Variants in KCNJ6 observed in about 807,000 individuals in gnomAD.
KCNJ6 encodes the protein potassium inwardly rectifying channel subfamily J member 6.
A neutral mutation model predicts 34.2 loss-of-function variants in KCNJ6; 9 were observed. The observed-to-expected ratio is 0.26, with a 90% CI of 0.16 to 0.46. KCNJ6 has a LOEUF of 0.46. KCNJ6 is among the 20% of genes least tolerant of loss of function. The pLI, the probability that KCNJ6 is intolerant of heterozygous loss-of-function variation, is 1.00. For missense variants in KCNJ6, 236 were observed against 531.3 expected, an observed-to-expected ratio of 0.44 and a Z score of 5.46; for synonymous variants, 196 against 207.1, an observed-to-expected ratio of 0.95 and a Z score of 0.46.
intron 2 of KCNJ6, among the ~76,000 whole-genome samples, chr21:37,768,620 G>GTAC (rs2055102537): frequency 6.6e-6 from 1 of 152,158 alleles, no homozygotes; most frequent in Non-Finnish European, 1.5e-5. Flanking sequence ...TGTACAAGAG[G>GTAC]TACTGTGTTA....
intron 1 of KCNJ6, among the ~76,000 whole-genome samples, chr21:37,857,940 T>A (rs2055573363): frequency 6.6e-6 from 1 of 151,524 alleles, no homozygotes; most frequent in African/African-American, 2.4e-5. Context: ...GGACACAGAG[T>A]GTAATTTGAG....
At chr21:37,911,992 T>C (rs762703145) in intron 1 of KCNJ6, among the ~76,000 whole-genome samples, 22 of 152,210 alleles carry the variant, frequency 1.4e-4, no homozygotes, top group Non-Finnish European at 2.4e-4. Flanking sequence ...AATATGAGAC[T>C]GAGTTAAAAG....
chr21:37,914,359 G>A (rs1166257301), intron 1 of KCNJ6, among the ~76,000 whole-genome samples: 1 of 152,116 alleles, frequency 6.6e-6, no homozygotes, highest in Non-Finnish European at 1.5e-5. Flanking sequence ...TCGGCGCCTG[G>A]GCTCTGGCCT....
At chr21:37,630,158 G>GTGTGT (rs1556010880) in intron 3 of KCNJ6, among the ~76,000 whole-genome samples, 3 of 145,710 alleles carry the variant, frequency 2.1e-5, no homozygotes, top group Non-Finnish European at 4.5e-5. Flanking sequence ...GTGTGTGTGT[G>GTGTGT]GTGTTTATGT....
intron 1 of KCNJ6, among the ~76,000 whole-genome samples, chr21:37,865,452 G>A (rs968736207): frequency 2.0e-5 from 3 of 152,342 alleles, no homozygotes; most frequent in Middle Eastern, 3.4e-3. Context: ...AAAGACACTG[G>A]CTGGAGGGGG....
At chr21:37,761,782 G>T (rs908935853) in intron 2 of KCNJ6, among the ~76,000 whole-genome samples, 1 of 151,932 alleles carries the variant, frequency 6.6e-6, no homozygotes, top group African/African-American at 2.4e-5. Context: ...TAGTGTGTGT[G>T]TGGTATGTGT....
intron 1 of KCNJ6, among the ~76,000 whole-genome samples, chr21:37,892,036 C>G (rs2055764671): frequency 6.6e-6 from 1 of 152,178 alleles, no homozygotes; most frequent in Non-Finnish European, 1.5e-5. Context: ...TTGCAGGTAT[C>G]TTTTTAAAGC....
At chr21:37,851,028 G>C (rs1387917938) in intron 1 of KCNJ6, among the ~76,000 whole-genome samples, 1 of 152,106 alleles carries the variant, frequency 6.6e-6, no homozygotes, top group East Asian at 1.9e-4. Context: ...ACAGCCTTTG[G>C]GAGGGCCGTG....
At chr21:37,647,557 C>T (rs1392518930) in intron 3 of KCNJ6, among the ~76,000 whole-genome samples, 1 of 152,156 alleles carries the variant, frequency 6.6e-6, no homozygotes, top group Non-Finnish European at 1.5e-5. Flanking sequence ...TCACTTCTCT[C>T]ATGAAGCTCT....
intron 1 of KCNJ6, among the ~76,000 whole-genome samples, chr21:37,858,392 CAAAAAAAAAAAA>C (rs60814205): frequency 3.7e-5 from 2 of 54,500 alleles, no homozygotes; most frequent in Admixed American, 3.3e-4. Context: ...GACTCCGTCT[CAAAAAAAAAAAA>C]AAAAAAAAAA....
chr21:37,884,371 C>T (rs73423492), intron 1 of KCNJ6, among the ~76,000 whole-genome samples: 7,539 of 152,166 alleles, frequency 0.05, 411 homozygotes, highest in East Asian at 0.23. Flanking sequence ...GACTGAGACC[C>T]TCGTCTCCCT....
chr21:37,824,578 T>A (rs1274933603), intron 2 of KCNJ6, among the ~76,000 whole-genome samples: 5 of 152,040 alleles, frequency 3.3e-5, no homozygotes. Flanking sequence ...GGGAGGGACC[T>A]GGTGGGAGGT....
chr21:37,726,000 G>GGT (rs1406560086), intron 2 of KCNJ6, among the ~76,000 whole-genome samples: 2 of 152,104 alleles, frequency 1.3e-5, no homozygotes, highest in Admixed American at 1.3e-4. Flanking sequence ...CTGCCTCCCG[G>GGT]GTTCAAGCAA....
At chr21:37,812,837 T>C (rs905710410) in intron 2 of KCNJ6, among the ~76,000 whole-genome samples, 3 of 152,160 alleles carry the variant, frequency 2.0e-5, no homozygotes, top group African/African-American at 7.2e-5. Flanking sequence ...TGAAAGCCTT[T>C]CCTCTAAGAT....
At chr21:37,661,553 T>C (rs1409778495) in intron 3 of KCNJ6, among the ~76,000 whole-genome samples, 1 of 150,430 alleles carries the variant, frequency 6.6e-6, no homozygotes, top group East Asian at 1.9e-4. Flanking sequence ...CAGTAAGTCA[T>C]ATTAATCTAT....
chr21:37,795,636 T>A (rs1178547716), intron 2 of KCNJ6, among the ~76,000 whole-genome samples: 1 of 150,788 alleles, frequency 6.6e-6, no homozygotes, highest in Non-Finnish European at 1.5e-5. Context: ...TCCCAGCTAC[T>A]CGGGAGGCTG....
chr21:37,789,437 T>TAGAG (rs141551821), intron 2 of KCNJ6, among the ~76,000 whole-genome samples: 125 of 152,108 alleles, frequency 8.2e-4, no homozygotes, highest in Middle Eastern at 3.4e-3. Flanking sequence ...ATCTGCAAGC[T>TAGAG]AGAGAGAGAG....
chr21:37,623,620 T>TCCTCCCTC lies in KCNJ6; in HGVS notation c.*1531_*1538dup, dbSNP rs1014755620. On this transcript the variant is annotated 3_prime_UTR_variant, in exon 4 of 4. Transcript: ENST00000609713. ...AAATACCCTTCCTTCCTTCCTTCCT[T>TCCTCCCTC]CCTCCCTCCCTTCCTCCCTTCTTTC... The TCCTCCCTC allele has an allele frequency of 3.9e-5, 6 of 152,298 alleles. No homozygotes were observed. Among genetic ancestry groups the TCCTCCCTC allele is most frequent in the Non-Finnish European group, 7.3e-5 (5 of 68,032 alleles). The allele number at this position is 152,298 out of a possible 1,614,324, so 9.4% of individuals were successfully genotyped here.
chr21:37,740,418 T>C (rs2054935349), intron 2 of KCNJ6, among the ~76,000 whole-genome samples: 1 of 152,214 alleles, frequency 6.6e-6, no homozygotes, highest in Non-Finnish European at 1.5e-5. Flanking sequence ...ACATTACCTT[T>C]CTATTGATCC....
Sources: allele counts gnomAD v4.1 joint callset (sites outside exome capture counted in the v4.1 genomes callset), GRCh38; gene constraint gnomAD v4.1.1; transcripts MANE v1.5; gene names NCBI Gene and HGNC (gene_info 2026-07-23, HGNC 2026-07-21).